Variants in TTC13 observed in about 807,000 individuals in gnomAD.
TTC13 encodes the protein tetratricopeptide repeat domain 13, also known as tetratricopeptide repeat protein 13.
In TTC13, 62 loss-of-function variants were observed where a neutral mutation model predicts 120.0. The ratio of observed to expected loss-of-function variants is 0.52; its 90% CI spans 0.42 to 0.64. The LOEUF (loss-of-function observed/expected upper bound fraction) is 0.64. Among genes scored for constraint, TTC13 ranks in the 30% least tolerant of loss-of-function variants. TTC13 has a pLI of 0.00. For missense variants in TTC13, 824 were observed against 1,050.2 expected (o/e 0.78, Z 2.98); for synonymous variants, 384 against 393.5 (o/e 0.98, Z 0.28).
chr1:230,924,831 TGTTA>T lies in TTC13; in HGVS notation c.1721+6_1721+9del, dbSNP rs757530968. The T allele has an allele frequency of 6.2e-7, 1 of 1,614,030 alleles. No homozygotes were observed. The highest frequency in any genetic ancestry group is 1.1e-5 in the South Asian group (1 of 91,084). ...GACTTATAGTTTATTTTCACTGAGA[TGTTA>T]GTTACCTTCTCCATTTAACTGCAAT... On this transcript the variant is annotated splice_donor_region_variant and intron_variant, in intron 14 of 22. Transcript: ENST00000366661.
At chr1:230,936,657 C>T (rs1392945509) in intron 8 of TTC13, 2 of 144,288 alleles carry the variant, frequency 1.4e-5, no homozygotes, top group Non-Finnish European at 3.0e-5. Flanking sequence ...GTAATATTGC[C>T]TAATATACTT....
At chr1:230,925,984 C>T (rs1259270132) in intron 12 of TTC13, among the ~76,000 whole-genome samples, 1 of 152,166 alleles carries the variant, frequency 6.6e-6, no homozygotes, top group Non-Finnish European at 1.5e-5. Flanking sequence ...AGCAACCAAA[C>T]CTCTGCCCTT....
At chr1:230,962,194 G>C (rs934749643) in intron 1 of TTC13, among the ~76,000 whole-genome samples, 4 of 144,246 alleles carry the variant, frequency 2.8e-5, no homozygotes, top group Admixed American at 1.4e-4. Context: ...TGGGCAACAA[G>C]AGCAAAACTC....
At chr1:230,976,007 G>A (rs940873903) in intron 1 of TTC13, among the ~76,000 whole-genome samples, 1 of 152,214 alleles carries the variant, frequency 6.6e-6, no homozygotes, top group Admixed American at 6.5e-5. Flanking sequence ...TTGTAAGAAG[G>A]TATGCAGATT....
At chr1:230,965,492 A>G (rs369121599) in intron 1 of TTC13, among the ~76,000 whole-genome samples, 3 of 152,342 alleles carry the variant, frequency 2.0e-5, no homozygotes, top group African/African-American at 7.2e-5. Flanking sequence ...GAGGATATGG[A>G]GAAAGGGGAA....
Position 230,958,304 on chromosome 1 carries a change from G to GA in TTC13, c.367-6dup, listed in dbSNP as rs60736833. On this transcript the variant is annotated splice_polypyrimidine_tract_variant and splice_region_variant and intron_variant, in intron 2 of 22. Transcript: ENST00000366661. The stretch of plus-strand genomic sequence containing the variant: ...TGCAATAGACTTGGCCTGGCTCTGG[G>GA]AAAAAAAAAAAAAAAACCCATACAT... 132,752 of 1,369,754 alleles carry GA rather than the reference G, an allele frequency of 0.097. 66 individuals carry two copies. The highest frequency in any genetic ancestry group is 0.1 in the Non-Finnish European group (104,878 of 1,017,638). 84.9% of individuals were successfully genotyped at this position (1,369,754 alleles called of 1,614,324 possible).
In TTC13 at chr1:230,931,452, T is replaced by A; in HGVS notation, c.1146A>T (p.Pro382=). The change falls in exon 11 of 23, where the codon CCA becomes CCT. Residue 382 remains proline (P), a synonymous_variant. Transcript: ENST00000366661. ...KNFKRCLQLE[P]YNEVCQYMKG... ...TCATATACTGGCACACTTCATTATATGGCTCTAGCTGCAGACACCGCTGAG... is the reference window on the plus strand; with the variant it reads ...TCATATACTGGCACACTTCATTATAAGGCTCTAGCTGCAGACACCGCTGAG... 6.2e-7 allele frequency: 1 copy of A among 1,614,188 alleles called. No individual in the cohort carries two copies.
chr1:230,961,095 C>A (rs1676592593), intron 2 of TTC13, 114 bp downstream of exon 2: 1 of 692,140 alleles, frequency 1.4e-6, no homozygotes. Context: ...TTATCCTATG[C>A]ATGTAGACTC....
chr1:230,947,582 A>G (rs1675118277), intron 4 of TTC13, among the ~76,000 whole-genome samples: 1 of 152,152 alleles, frequency 6.6e-6, no homozygotes, highest in Non-Finnish European at 1.5e-5. Context: ...AAATATCATA[A>G]TGTTTTAAGA....
At chr1:230,914,950 C>T (rs556234645) in intron 18 of TTC13, among the ~76,000 whole-genome samples, 1 of 152,084 alleles carries the variant, frequency 6.6e-6, no homozygotes, top group Non-Finnish European at 1.5e-5. Flanking sequence ...TTCATTTCTG[C>T]TTAGGAATCT....
intron 17 of TTC13, among the ~76,000 whole-genome samples, chr1:230,916,787 C>T (rs1015016810): frequency 3.3e-5 from 5 of 152,224 alleles, no homozygotes; most frequent in African/African-American, 4.8e-5. Context: ...CCCACACCCA[C>T]ACCCACCCAA....
rs754742666 is a variant in TTC13, at chr1:230,920,519, C to A, written c.1974G>T (p.Pro658=). The A allele has an allele frequency of 6.2e-7, 1 of 1,610,910 alleles. No individual in the cohort carries two copies. Among genetic ancestry groups the A allele is most frequent in the East Asian group, 2.2e-5 (1 of 44,744 alleles). The change falls in exon 17 of 23, where the codon CCG becomes CCT. Residue 658 remains proline (P), a synonymous_variant. Transcript: ENST00000366661. The part of the protein sequence containing the change: ...EKVHKVEDLL[P]IMKQFNTKTK... The stretch of plus-strand genomic sequence containing the variant: ...CTGATGCTAAAGTTACCTTCATAAT[C>A]GGAAGAAGGTCTTCTACTTTGTGTA...
chr1:230,908,574 T>C (rs915146249), intron 22 of TTC13, 138 bp downstream of exon 22: 2 of 688,654 alleles, frequency 2.9e-6, no homozygotes, highest in Non-Finnish European at 4.9e-6. Flanking sequence ...AAAAAGTGAA[T>C]TAAATTCATT....
At chr1:230,931,968 A>G in intron 9 of TTC13, 91 bp from the exon 10 acceptor site, 1 of 1,273,724 alleles carries the variant, frequency 7.9e-7, no homozygotes, top group Non-Finnish European at 1.1e-6. Context: ...CCAATATGTA[A>G]ACAAGATACC....
At chr1:230,931,621 T>G (rs1209136070) in intron 10 of TTC13, 115 bp downstream of exon 10, 23 of 1,473,290 alleles carry the variant, frequency 1.6e-5, no homozygotes, top group Non-Finnish European at 1.7e-5. Context: ...TTCTCTTTCT[T>G]TTTGTTGGAG....
intron 4 of TTC13, 38 bp from the exon 5 acceptor site, chr1:230,945,492 A>C (rs754963597): frequency 3.8e-6 from 6 of 1,579,610 alleles, no homozygotes; most frequent in South Asian, 3.3e-5. Context: ...AAAAACCATA[A>C]ACAAAACAAA....
chr1:230,925,209 C>T (rs950073971), intron 13 of TTC13, among the ~76,000 whole-genome samples: 12 of 152,172 alleles, frequency 7.9e-5, no homozygotes, highest in Non-Finnish European at 1.3e-4. Context: ...CCTACTGAAA[C>T]AAGTGGAGGT....
intron 2 of TTC13, among the ~76,000 whole-genome samples, chr1:230,958,958 G>A (rs1331043469): frequency 6.6e-6 from 1 of 152,168 alleles, no homozygotes; most frequent in African/African-American, 2.4e-5. Context: ...TTGTGCCACT[G>A]TACCCCCAGC....
intron 2 of TTC13, 64 bp downstream of exon 2, chr1:230,961,145 T>A (rs142287717): frequency 7.4e-7 from 1 of 1,355,578 alleles, no homozygotes; most frequent in East Asian, 2.3e-5. Flanking sequence ...CGACTTCCAC[T>A]TTTTGGAACT....
Sources: gnomAD v4.1 joint callset for allele counts (sites outside exome capture counted in the v4.1 genomes callset) on GRCh38, gnomAD v4.1.1 for gene constraint, MANE v1.5 for transcripts, NCBI Gene and HGNC (gene_info 2026-07-23, HGNC 2026-07-21) for gene names.